RBFOX1: variants seen among roughly 807,000 people sequenced by gnomAD.
RBFOX1 encodes RNA binding protein fox-1 homolog 1.
RBFOX1 carries 8 observed loss-of-function variants against 57.7 expected under a neutral mutation model. The observed-to-expected ratio is 0.14, with a 90% CI of 0.08 to 0.25. RBFOX1 has a LOEUF of 0.25. RBFOX1 is among the 10% of genes least tolerant of loss of function. The pLI, the probability that RBFOX1 is intolerant of heterozygous loss-of-function variation, is 1.00. For synonymous variants in RBFOX1, 326 were observed against 222.4 expected (o/e 1.47, Z -4.15); for missense variants, 611 against 548.5 (o/e 1.11, Z -1.14).
intron 4 of RBFOX1, among the ~76,000 whole-genome samples, chr16:7,479,185 G>A (rs1388629204): frequency 6.6e-6 from 1 of 151,524 alleles, no homozygotes; most frequent in African/African-American, 2.4e-5. Context: ...GCGCAGTGGT[G>A]TGATCTCGGC....
intron 3 of RBFOX1, among the ~76,000 whole-genome samples, chr16:5,677,465 C>G (rs545040199): frequency 6.6e-6 from 1 of 152,134 alleles, no homozygotes; most frequent in African/African-American, 2.4e-5. Context: ...AATGTGCTTA[C>G]GAGTGATTAG....
chr16:7,014,085 T>A (rs2093783633), intron 3 of RBFOX1, among the ~76,000 whole-genome samples: 1 of 152,206 alleles, frequency 6.6e-6, no homozygotes, highest in South Asian at 2.1e-4. Flanking sequence ...ATACACAATG[T>A]CATTGGAATG....
intron 2 of RBFOX1, among the ~76,000 whole-genome samples, chr16:6,327,721 C>G (rs946233313): frequency 4.6e-5 from 7 of 152,116 alleles, no homozygotes; most frequent in South Asian, 2.1e-4. Context: ...AAAGGAGTTT[C>G]AGAATACATA....
At chr16:5,384,223 G>A (rs2066201271) in intron 1 of RBFOX1, among the ~76,000 whole-genome samples, 1 of 152,214 alleles carries the variant, frequency 6.6e-6, no homozygotes, top group African/African-American at 2.4e-5. Flanking sequence ...TCTTGCAGAG[G>A]TCAGGGTGGA....
At chr16:5,328,461 G>A (rs987644347) in intron 1 of RBFOX1, among the ~76,000 whole-genome samples, 1 of 152,230 alleles carries the variant, frequency 6.6e-6, no homozygotes, top group Non-Finnish European at 1.5e-5. Flanking sequence ...CCTAGTCTGT[G>A]TGATTTTGTT....
At chr16:5,241,757 C>T (rs2049699) in intron 1 of RBFOX1, among the ~76,000 whole-genome samples, 148,477 of 152,248 alleles carry the variant, frequency 0.98, 72,516 homozygotes, top group Middle Eastern at 1. Flanking sequence ...CTGAAACTTA[C>T]GCCTTGGTGT....
At chr16:6,548,674 T>C (rs11077046) in intron 2 of RBFOX1, among the ~76,000 whole-genome samples, 150,197 of 152,294 alleles carry the variant, frequency 0.99, 74,105 homozygotes, top group Middle Eastern at 1. Context: ...TCAGGCGCGG[T>C]TGAGTCAGAA....
rs62010201 is a variant in RBFOX1, at chr16:7,676,854, C to T, written c.995+16C>T. 1 of 1,603,760 alleles carries T rather than the reference C, an allele frequency of 6.2e-7. No individual in the cohort carries two copies. The highest frequency in any genetic ancestry group is 8.5e-7 in the Non-Finnish European group (1 of 1,170,966). On this transcript the variant is annotated intron_variant, in intron 14 of 15. Coordinates refer to ENST00000550418, the MANE Select transcript of RBFOX1 (RefSeq NM_018723.4). ...ACAGTGACAGGTAAGGGTCATCCTT[C>T]TTGTGCTTGACAACTACTTGTAAAT...
intron 2 of RBFOX1, among the ~76,000 whole-genome samples, chr16:6,477,096 C>A (rs1477911390): frequency 6.6e-6 from 1 of 152,150 alleles, no homozygotes; most frequent in Non-Finnish European, 1.5e-5. Context: ...CAGGTTCTTC[C>A]TCCACTGAAG....
chr16:6,906,734 T>TG (rs1301323702), intron 3 of RBFOX1, among the ~76,000 whole-genome samples: 1 of 151,618 alleles, frequency 6.6e-6, no homozygotes, highest in Non-Finnish European at 1.5e-5. Context: ...ATTTTTTTTT[T>TG]TTTTTTGAGA....
intron 3 of RBFOX1, among the ~76,000 whole-genome samples, chr16:5,765,152 C>G (rs192473862): frequency 5.8e-4 from 89 of 152,314 alleles, no homozygotes; most frequent in African/African-American, 2.0e-3. Flanking sequence ...CTGGGAGACT[C>G]TTTCCAGCCT....
At chr16:6,867,169 G>C (rs531342493) in intron 3 of RBFOX1, among the ~76,000 whole-genome samples, 64 of 152,188 alleles carry the variant, frequency 4.2e-4, no homozygotes, top group Non-Finnish European at 7.5e-4. Flanking sequence ...AGTTTTGTGA[G>C]TTTTCTTCTT....
chr16:5,373,782 T>G (rs934794139), intron 1 of RBFOX1, among the ~76,000 whole-genome samples: 1 of 151,958 alleles, frequency 6.6e-6, no homozygotes, highest in Non-Finnish European at 1.5e-5. Flanking sequence ...TTTTGCACTT[T>G]TAATAGAGAT....
At chr16:7,168,103 A>G (rs2079940455) in intron 4 of RBFOX1, among the ~76,000 whole-genome samples, 1 of 152,206 alleles carries the variant, frequency 6.6e-6, no homozygotes, top group African/African-American at 2.4e-5. Context: ...CATTTAAAAG[A>G]TTCAAGGAAG....
intron 3 of RBFOX1, among the ~76,000 whole-genome samples, chr16:5,748,483 C>A (rs542388297): frequency 1.2e-3 from 186 of 152,246 alleles, no homozygotes; most frequent in South Asian, 0.011. Flanking sequence ...GTGTTAAAGT[C>A]TCCCATTATT....
intron 3 of RBFOX1, among the ~76,000 whole-genome samples, chr16:6,901,525 G>C (rs78340315): frequency 0.025 from 3,814 of 152,132 alleles, 160 homozygotes; most frequent in East Asian, 0.15. Context: ...TTCATGTCTA[G>C]TTAAGCAAAT....
chr16:6,409,942 AC>A (rs1362554132), intron 2 of RBFOX1, among the ~76,000 whole-genome samples: 2 of 152,070 alleles, frequency 1.3e-5, no homozygotes, highest in African/African-American at 2.4e-5. Flanking sequence ...AGGCAGGAGC[AC>A]CCGAGAAGCA....
At chr16:6,375,629 C>T (rs2091073248) in intron 2 of RBFOX1, among the ~76,000 whole-genome samples, 1 of 152,090 alleles carries the variant, frequency 6.6e-6, no homozygotes, top group South Asian at 2.1e-4. Flanking sequence ...TGCTGGACAG[C>T]CCCCTTGGAA....
chr16:7,660,861 G>C (rs1357001697), intron 12 of RBFOX1, among the ~76,000 whole-genome samples: 1 of 152,194 alleles, frequency 6.6e-6, no homozygotes, highest in Admixed American at 6.5e-5. Flanking sequence ...GCCTGCCATA[G>C]TACTTAAGAG....
Sources: allele counts gnomAD v4.1 joint callset (sites outside exome capture counted in the v4.1 genomes callset), GRCh38; gene constraint gnomAD v4.1.1; transcripts MANE v1.5; gene names NCBI Gene and HGNC (gene_info 2026-07-23, HGNC 2026-07-21).